Variants in DPP10 observed in about 807,000 individuals in gnomAD.
DPP10 encodes inactive dipeptidyl peptidase 10.
A neutral mutation model predicts 120.9 loss-of-function variants in DPP10; 33 were observed. The ratio of observed to expected loss-of-function variants is 0.27; its 90% CI spans 0.21 to 0.37. DPP10 has a LOEUF of 0.37. Among genes scored for constraint, DPP10 ranks in the 10% least tolerant of loss-of-function variants. DPP10 has a pLI of 1.00. For synonymous variants in DPP10, 337 were observed against 326.1 expected, an observed-to-expected ratio of 1.03 and a Z score of -0.36; for missense variants, 816 against 942.8, an observed-to-expected ratio of 0.87 and a Z score of 1.76.
intron 1 of DPP10, among the ~76,000 whole-genome samples, chr2:114,866,098 G>A (rs1035477156): frequency 1.4e-5 from 2 of 146,482 alleles, no homozygotes; most frequent in African/African-American, 2.5e-5. Context: ...GTAACAGAGT[G>A]AGACTCTGTC....
intron 1 of DPP10, among the ~76,000 whole-genome samples, chr2:115,187,501 A>G (rs1484788362): frequency 6.6e-6 from 1 of 152,186 alleles, no homozygotes; most frequent in Non-Finnish European, 1.5e-5. Flanking sequence ...CAGCATATAC[A>G]TGGTCGTGAA....
At chr2:114,797,823 G>T (rs374872837) in intron 1 of DPP10, among the ~76,000 whole-genome samples, 15 of 152,134 alleles carry the variant, frequency 9.9e-5, no homozygotes, top group East Asian at 5.8e-4. Context: ...AACATTGACT[G>T]GGGCATGCAC....
intron 7 of DPP10, among the ~76,000 whole-genome samples, chr2:115,710,473 T>C (rs944881187): frequency 6.6e-6 from 1 of 152,112 alleles, no homozygotes; most frequent in Non-Finnish European, 1.5e-5. Context: ...GCACTTTGAA[T>C]TTTTAGTTAC....
At chr2:115,247,316 G>C (rs1007371632) in intron 1 of DPP10, among the ~76,000 whole-genome samples, 1 of 152,112 alleles carries the variant, frequency 6.6e-6, no homozygotes, top group Admixed American at 6.6e-5. Context: ...GTAAAAACTA[G>C]ATCATCCGTA....
At chr2:115,581,052 G>A (rs1320299190) in intron 5 of DPP10, among the ~76,000 whole-genome samples, 2 of 152,160 alleles carry the variant, frequency 1.3e-5, no homozygotes, top group Admixed American at 6.5e-5. Context: ...GAAATTGCCT[G>A]TAGGGCCTAA....
At chr2:114,451,212 A>G (rs1678256626) in intron 1 of DPP10, among the ~76,000 whole-genome samples, 1 of 152,084 alleles carries the variant, frequency 6.6e-6, no homozygotes, top group Non-Finnish European at 1.5e-5. Flanking sequence ...CTCTGAAGGA[A>G]ATAAAATAGA....
intron 3 of DPP10, among the ~76,000 whole-genome samples, chr2:115,472,339 G>T (rs556154919): frequency 1.4e-4 from 21 of 152,014 alleles, no homozygotes; most frequent in Admixed American, 6.6e-4. Context: ...ATTAGAAGTC[G>T]AATATGAACT....
At chr2:115,155,081 G>A (rs1377448434) in intron 1 of DPP10, among the ~76,000 whole-genome samples, 1 of 143,456 alleles carries the variant, frequency 7.0e-6, no homozygotes, top group Non-Finnish European at 1.5e-5. Context: ...TTTTTTTTTG[G>A]TATTCTTAGT....
At chr2:115,055,644 G>A (rs1447755413) in intron 1 of DPP10, among the ~76,000 whole-genome samples, 1 of 152,080 alleles carries the variant, frequency 6.6e-6, no homozygotes. Context: ...AAATGTTCAT[G>A]TATTGCTAGT....
In DPP10 at chr2:114,442,718, T is replaced by A; in HGVS notation, c.-61T>A. 5 of 1,602,322 alleles carry A rather than the reference T, an allele frequency of 3.1e-6. No homozygotes were observed. Among genetic ancestry groups the A allele is most frequent in the Non-Finnish European group, 3.4e-6 (4 of 1,171,600 alleles). ...CCTACTGAAGTCCAATAGAGGAGAC[T>A]TGATCTCTAGTTCATTCTGGAACTC... is the stretch of plus-strand genomic sequence containing the variant. On this transcript the variant is annotated 5_prime_UTR_variant, in exon 1 of 26. In the 5' UTR this introduces an upstream ATG that the reference lacks. Transcript: ENST00000410059.
At chr2:115,441,264 T>C (rs2072020173) in intron 3 of DPP10, among the ~76,000 whole-genome samples, 1 of 152,166 alleles carries the variant, frequency 6.6e-6, no homozygotes, top group Admixed American at 6.5e-5. Flanking sequence ...GTGAGTTGAA[T>C]ATAGTGCTGT....
intron 1 of DPP10, among the ~76,000 whole-genome samples, chr2:114,808,057 G>A (rs112733040): frequency 7.4e-4 from 112 of 152,246 alleles, no homozygotes; most frequent in African/African-American, 2.6e-3. Context: ...AAGAGAAAAC[G>A]TTTCAGCAGC....
intron 5 of DPP10, among the ~76,000 whole-genome samples, chr2:115,544,849 A>C (rs2079403170): frequency 6.6e-6 from 1 of 151,968 alleles, no homozygotes; most frequent in Non-Finnish European, 1.5e-5. Flanking sequence ...TAGTTGGAGG[A>C]TGTTTCCTTT....
In DPP10 at chr2:114,549,290, C is replaced by G. The variant is rs146384433; in HGVS notation, c.60+106452C>G. Among the ~76,000 whole-genome samples, 214 of 152,046 alleles carry G rather than the reference C, an allele frequency of 1.4e-3. 1 individual carries two copies. In the East Asian group the frequency reaches 0.025, roughly 18 times the overall value. ...AGAGAGTCATTCACCACTCTCAACCCCGTCTCCAGGTACTTCCTGTGTTCA... is the reference window on the plus strand; with the variant it reads ...AGAGAGTCATTCACCACTCTCAACCGCGTCTCCAGGTACTTCCTGTGTTCA... On this transcript the variant is annotated intron_variant, in intron 1 of 25. Coordinates refer to ENST00000410059, the MANE Select transcript of DPP10 (RefSeq NM_020868.6).
intron 1 of DPP10, among the ~76,000 whole-genome samples, chr2:115,038,892 C>G (rs1010361590): frequency 2.0e-5 from 3 of 152,156 alleles, no homozygotes; most frequent in African/African-American, 7.2e-5. Context: ...TCTATGCTAT[C>G]CTAATGCTCA....
intron 5 of DPP10, among the ~76,000 whole-genome samples, chr2:115,665,437 G>A (rs2089370362): frequency 6.6e-6 from 1 of 152,110 alleles, no homozygotes; most frequent in Non-Finnish European, 1.5e-5. Context: ...AGATGTTAAA[G>A]TGTGAAAAAA....
intron 1 of DPP10, among the ~76,000 whole-genome samples, chr2:114,602,462 T>G (rs1006896572): frequency 6.6e-6 from 1 of 152,004 alleles, no homozygotes; most frequent in African/African-American, 2.4e-5. Flanking sequence ...CTACCATCAC[T>G]ATTATTATCA....
intron 1 of DPP10, chr2:115,161,835 A>T: frequency 2.3e-6 from 1 of 434,512 alleles, no homozygotes; most frequent in Non-Finnish European, 3.2e-6. Flanking sequence ...CGCTCCCCCC[A>T]CCCCGTCCCT....
chr2:114,469,527 A>G (rs1397409328), intron 1 of DPP10, among the ~76,000 whole-genome samples: 2 of 152,054 alleles, frequency 1.3e-5, no homozygotes, highest in Admixed American at 6.6e-5. Context: ...CAGGAGTTTC[A>G]GACCAGGTTG....
Sources: allele counts gnomAD v4.1 joint callset (sites outside exome capture counted in the v4.1 genomes callset), GRCh38; gene constraint gnomAD v4.1.1; transcripts MANE v1.5; gene names NCBI Gene and HGNC (gene_info 2026-07-23, HGNC 2026-07-21).